LPCAT1: variants seen among roughly 807,000 people sequenced by gnomAD.
LPCAT1 encodes 1-acylglycerol-3-phosphate O-acyltransferase.
In LPCAT1, 23 loss-of-function variants were observed where a neutral mutation model predicts 60.9. The ratio of observed to expected loss-of-function variants is 0.38; its 90% CI spans 0.27 to 0.53. The LOEUF (loss-of-function observed/expected upper bound fraction) is 0.53, where lower values mean the gene tolerates loss of function less well. Ranked by LOEUF, LPCAT1 falls within the 20% of genes least tolerant of loss-of-function variation. LPCAT1 has a pLI of 0.82. For missense variants in LPCAT1, 622 were observed against 723.6 expected, an observed-to-expected ratio of 0.86 and a Z score of 1.61; for synonymous variants, 340 against 301.1, an observed-to-expected ratio of 1.13 and a Z score of -1.34.
chr5:1,497,504 G>T (rs752647623), intron 2 of LPCAT1, among the ~76,000 whole-genome samples: 41 of 152,370 alleles, frequency 2.7e-4, no homozygotes, highest in Admixed American at 1.3e-3. Context: ...GTGCCAGGCC[G>T]GTGGGGTAGG....
rs1409070735 is a variant in LPCAT1 at position 1,481,038 on chromosome 5, C to T, written c.727-62G>A. The T allele has an allele frequency of 7.1e-6, 11 of 1,553,616 alleles. No individual in the cohort carries two copies. The highest frequency in any genetic ancestry group is 1.4e-5 in the African/African-American group (1 of 73,318). ...CTGCACCCAGGGCCTGCACCAAGCA[C>T]CTGCGTGTGCCGGCCTCTCCCTGCA... On this transcript the variant is annotated intron_variant, in intron 6 of 13. Transcript: ENST00000283415. The surrounding 1 kb of genome is among the most constrained non-coding windows in gnomAD (Gnocchi z 7.8).
intron 13 of LPCAT1, among the ~76,000 whole-genome samples, chr5:1,465,316 AAAAC>A (rs1734325041): frequency 1.4e-5 from 2 of 145,628 alleles, no homozygotes; most frequent in African/African-American, 5.1e-5. Context: ...GCGCACACAC[AAAAC>A]AAGCGCAGGC....
chr5:1,473,173 C>T (rs887750178), intron 11 of LPCAT1, among the ~76,000 whole-genome samples: 7 of 152,186 alleles, frequency 4.6e-5, no homozygotes, highest in African/African-American at 1.7e-4. Context: ...GCAGCTGCTC[C>T]GTGTTGGTGC....
At chr5:1,498,928 T>TAC (rs1156427897) in intron 2 of LPCAT1, among the ~76,000 whole-genome samples, 1 of 138,868 alleles carries the variant, frequency 7.2e-6, no homozygotes, top group African/African-American at 2.5e-5. Context: ...TGCGCATATG[T>TAC]ACACACATAC....
chr5:1,504,218 A>G (rs1004150776), intron 1 of LPCAT1, among the ~76,000 whole-genome samples: 13 of 152,272 alleles, frequency 8.5e-5, no homozygotes, highest in African/African-American at 2.4e-5. Context: ...TCTAAGGGGC[A>G]GCCTTTTCCT....
intron 12 of LPCAT1, among the ~76,000 whole-genome samples, chr5:1,470,553 ACAC>A (rs1300086952): frequency 6.6e-6 from 1 of 152,098 alleles, no homozygotes; most frequent in African/African-American, 2.4e-5. Context: ...ATGGTGTGTG[ACAC>A]CACCAGCCCC....
rs1734116460 is a variant in LPCAT1 at position 1,462,006 on chromosome 5, C to T, written c.*1645G>A. Reference sequence around the variant, plus strand: ...TGACTTCGGTTTACTCCATCCCTGTCTGTCCTGCTGGCAGTGTCCATGCTA... The same window carrying T: ...TGACTTCGGTTTACTCCATCCCTGTTTGTCCTGCTGGCAGTGTCCATGCTA... On this transcript the variant is annotated 3_prime_UTR_variant, in exon 14 of 14. Coordinates refer to ENST00000283415, the MANE Select transcript of LPCAT1 (RefSeq NM_024830.5). 1 of 152,488 alleles carries T rather than the reference C, an allele frequency of 6.6e-6. No individual in the cohort carries two copies. Among genetic ancestry groups the T allele is most frequent in the Non-Finnish European group, 1.5e-5 (1 of 68,048 alleles). 9.4% of individuals were successfully genotyped at this position (152,488 alleles called of 1,614,324 possible).
chr5:1,494,817 C>T lies in LPCAT1; in HGVS notation c.376G>A (p.Glu126Lys), dbSNP rs765765060. ...AVKGRQALPT[E>K]AAILTLAPHS... is the part of the protein sequence containing the mutation. ...GGCGCGAGCGTGAGGATGGCCGCCT[C>T]GGTGGGCAGCGCCTGCCGCCCCTTC... The change falls in exon 3 of 14, where the codon GAG becomes AAG. Residue 126 changes from glutamate (E) to lysine (K), a missense_variant. By Grantham distance (56) the Glu-to-Lys change is moderately conservative (BLOSUM62 1). This residue lies in a region of LPCAT1 where 209 missense variants were observed against 325.5 expected (regional missense o/e 0.64). Transcript: ENST00000283415. The T allele has an allele frequency of 6.8e-6, 11 of 1,613,472 alleles. No homozygotes were observed. Among genetic ancestry groups the T allele is most frequent in the African/African-American group, 2.7e-5 (2 of 74,940 alleles).
intron 5 of LPCAT1, among the ~76,000 whole-genome samples, chr5:1,484,345 G>A (rs962266015): frequency 1.3e-5 from 2 of 152,248 alleles, no homozygotes; most frequent in South Asian, 2.1e-4. Context: ...TGGACTCTGT[G>A]GATGATTGTT....
intron 3 of LPCAT1, among the ~76,000 whole-genome samples, chr5:1,490,985 GTTT>G (rs1735557215): frequency 6.6e-6 from 1 of 151,840 alleles, no homozygotes; most frequent in African/African-American, 2.4e-5. Flanking sequence ...TTTTCTTAGC[GTTT>G]TTATTACTTG....
At chr5:1,517,476 C>A (rs1046631842) in intron 1 of LPCAT1, among the ~76,000 whole-genome samples, 1 of 152,184 alleles carries the variant, frequency 6.6e-6, no homozygotes, top group Non-Finnish European at 1.5e-5. Flanking sequence ...CAGGGAGCCA[C>A]GTTCTCCGCT....
chr5:1,466,178 G>A (rs1445773304), intron 13 of LPCAT1, among the ~76,000 whole-genome samples: 1 of 152,204 alleles, frequency 6.6e-6, no homozygotes, highest in Non-Finnish European at 1.5e-5. Flanking sequence ...TCGGGTTTGC[G>A]GATTTTGCAC....
chr5:1,495,969 G>A lies in LPCAT1; in HGVS notation c.279-1055C>T, dbSNP rs1490044528. Among the ~76,000 whole-genome samples, 1 of 152,240 alleles carries A rather than the reference G, an allele frequency of 6.6e-6. No individual in the cohort carries two copies. Among genetic ancestry groups the A allele is most frequent in the East Asian group, 1.9e-4 (1 of 5,204 alleles). Reference sequence around the variant, plus strand: ...ATAAACAATGGTGTAGTTACACATGGAGATGCTGGGGACCAACCCAGGGTG... The same window carrying A: ...ATAAACAATGGTGTAGTTACACATGAAGATGCTGGGGACCAACCCAGGGTG... On this transcript the variant is annotated intron_variant, in intron 2 of 13. Coordinates refer to ENST00000283415, the MANE Select transcript of LPCAT1 (RefSeq NM_024830.5). The surrounding 1 kb of genome is among the most constrained non-coding windows in gnomAD (Gnocchi z 4.7).
chr5:1,466,652 C>T (rs1734418254), intron 13 of LPCAT1, 97 bp downstream of exon 13: 2 of 1,350,622 alleles, frequency 1.5e-6, no homozygotes, highest in Non-Finnish European at 2.0e-6. Context: ...ATGGCGGGGA[C>T]TCCACTCCTG....
rs377274796 is a variant in LPCAT1, at chr5:1,483,878, A to G, written c.668-392T>C. ...CGTCTGTGGAGGGACACTTGCTATTATAACATTGCGCACGAGCTGGAAGAC... is the reference window on the plus strand; with the variant it reads ...CGTCTGTGGAGGGACACTTGCTATTGTAACATTGCGCACGAGCTGGAAGAC... On this transcript the variant is annotated intron_variant, in intron 5 of 13. Transcript: ENST00000283415. This position sits in a 1 kb window ranked among gnomAD's most constrained non-coding sequence, Gnocchi z 9.2. Among the ~76,000 whole-genome samples the G allele has an allele frequency of 1.0e-3, 154 of 147,352 alleles. 1 individual carries two copies. The highest frequency in any genetic ancestry group is 3.7e-3 in the African/African-American group (142 of 38,880).
chr5:1,509,169 C>T (rs746869579), intron 1 of LPCAT1, among the ~76,000 whole-genome samples: 6 of 152,256 alleles, frequency 3.9e-5, no homozygotes, highest in Non-Finnish European at 8.8e-5. Flanking sequence ...CCCGGAGACT[C>T]GAAGGCCGCG....
intron 11 of LPCAT1, among the ~76,000 whole-genome samples, chr5:1,473,035 GCTCCTCT>G (rs112996351): frequency 0.19 from 28,385 of 151,866 alleles, 3,086 homozygotes; most frequent in Non-Finnish European, 0.25. Flanking sequence ...GCCTCTGGGT[GCTCCTCT>G]CTCCTCTCTC....
rs973517698 is a variant in LPCAT1, at chr5:1,462,755, T to C, written c.*896A>G. ...GCTCGGGCCCTGCTCATTTGAACAA[T>C]ATCCAACCTCGGACTGGAGTTTAGG... is the stretch of plus-strand genomic sequence containing the variant. On this transcript the variant is annotated 3_prime_UTR_variant, in exon 14 of 14. Coordinates refer to ENST00000283415, the MANE Select transcript of LPCAT1 (RefSeq NM_024830.5). 5.9e-5 allele frequency: 9 copies of C among 152,134 alleles called. No homozygotes were observed. Among genetic ancestry groups the C allele is most frequent in the African/African-American group, 9.7e-5 (4 of 41,424 alleles). 9.4% of individuals were successfully genotyped at this position (152,134 alleles called of 1,614,324 possible).
intron 1 of LPCAT1, among the ~76,000 whole-genome samples, chr5:1,514,117 C>T (rs888302864): frequency 6.6e-6 from 1 of 152,232 alleles, no homozygotes; most frequent in Non-Finnish European, 1.5e-5. Flanking sequence ...AGAGCAGAAC[C>T]CCCACCACCA....
Sources: allele counts gnomAD v4.1 joint callset (sites outside exome capture counted in the v4.1 genomes callset), GRCh38; gene constraint gnomAD v4.1.1; regional missense constraint gnomAD v4.1.1; non-coding constraint Gnocchi (gnomAD v3.1); transcripts MANE v1.5; gene names NCBI Gene and HGNC (gene_info 2026-07-23, HGNC 2026-07-21).